HYCC2: variants seen among roughly 807,000 people sequenced by gnomAD.
HYCC2 encodes hyccin PI4KA lipid kinase complex subunit 2.
the HYCC2 span, among the ~76,000 whole-genome samples, chr2:201,028,941 C>T: frequency 6.6e-6 from 1 of 152,080 alleles, no homozygotes; most frequent in Admixed American, 6.6e-5. Context: ...GCAACATAAG[C>T]CAAAATAGAC....
At chr2:201,044,375 T>C in the HYCC2 span, among the ~76,000 whole-genome samples, 1 of 152,208 alleles carries the variant, frequency 6.6e-6, no homozygotes, top group Non-Finnish European at 1.5e-5. Flanking sequence ...TGCACCACTG[T>C]ACCAGAGATG....
At chr2:200,977,873 T>C in the HYCC2 span, 3 of 152,148 alleles carry the variant, frequency 2.0e-5, no homozygotes. Flanking sequence ...ATCTTCTGAG[T>C]TAACTATTCA....
chr2:200,991,583 G>T, the HYCC2 span, among the ~76,000 whole-genome samples: 1 of 143,716 alleles, frequency 7.0e-6, no homozygotes, highest in Non-Finnish European at 1.6e-5. Flanking sequence ...AAAAAAAAAA[G>T]AAAAAATCAC....
the HYCC2 span, among the ~76,000 whole-genome samples, chr2:201,050,890 G>A: frequency 4.0e-5 from 6 of 149,524 alleles, no homozygotes; most frequent in African/African-American, 1.2e-4. Context: ...AGCTGAGATC[G>A]CACCACTGCA....
the HYCC2 span, among the ~76,000 whole-genome samples, chr2:200,990,798 C>A: frequency 6.6e-6 from 1 of 152,278 alleles, no homozygotes; most frequent in East Asian, 1.9e-4. Context: ...GTCTTGAACT[C>A]CTGACCTCGT....
At chr2:201,025,778 G>A in the HYCC2 span, among the ~76,000 whole-genome samples, 1 of 152,126 alleles carries the variant, frequency 6.6e-6, no homozygotes, top group Non-Finnish European at 1.5e-5. Flanking sequence ...AAGTTAGAAG[G>A]CCAGGCATGG....
At chr2:201,052,354 C>T in the HYCC2 span, 1,594 of 152,594 alleles carry the variant, frequency 0.01, 9 homozygotes, top group Middle Eastern at 0.041. Flanking sequence ...CTTGTTATCC[C>T]AGCACTCTGG....
At chr2:201,035,168 G>A in the HYCC2 span, among the ~76,000 whole-genome samples, 2 of 152,184 alleles carry the variant, frequency 1.3e-5, no homozygotes, top group Admixed American at 6.6e-5. Context: ...GATTGGGGAA[G>A]TTCTCCTGGA....
chr2:201,011,147 A>AAAAC, the HYCC2 span, among the ~76,000 whole-genome samples: 5 of 152,138 alleles, frequency 3.3e-5, no homozygotes, highest in African/African-American at 7.2e-5. Context: ...TCCATCTCAA[A>AAAAC]AAACAAACAA....
At chr2:201,049,824 C>T in the HYCC2 span, among the ~76,000 whole-genome samples, 1 of 151,804 alleles carries the variant, frequency 6.6e-6, no homozygotes, top group Non-Finnish European at 1.5e-5. Flanking sequence ...AGAAAAACAC[C>T]AACTACCTGG....
the HYCC2 span, among the ~76,000 whole-genome samples, chr2:200,994,243 CTT>C: frequency 6.8e-6 from 1 of 147,956 alleles, no homozygotes; most frequent in Non-Finnish European, 1.5e-5. Context: ...ATATCATTTC[CTT>C]TTTTTTTTGG....
At chr2:200,985,045 AG>A in the HYCC2 span, among the ~76,000 whole-genome samples, 6 of 152,108 alleles carry the variant, frequency 3.9e-5, no homozygotes, top group South Asian at 1.2e-3. Context: ...CAGGAGTCTG[AG>A]GTTACAGTGA....
chr2:201,040,454 CTTT>C, the HYCC2 span, among the ~76,000 whole-genome samples: 1 of 145,030 alleles, frequency 6.9e-6, no homozygotes, highest in Non-Finnish European at 1.5e-5. Flanking sequence ...GTTGTTATTG[CTTT>C]TGTTTTTTTT....
chr2:201,003,398 A>T, the HYCC2 span, among the ~76,000 whole-genome samples: 1 of 152,162 alleles, frequency 6.6e-6, no homozygotes, highest in Non-Finnish European at 1.5e-5. Flanking sequence ...GCAGGAGAAT[A>T]GCTTCAACTA....
chr2:201,011,353 T>C, the HYCC2 span: 4 of 1,184,552 alleles, frequency 3.4e-6, no homozygotes, highest in African/African-American at 1.6e-5. Flanking sequence ...TGTTACTCAA[T>C]ATAATTTAAA....
At chr2:201,033,159 ATGTGTGTGTG>A in the HYCC2 span, among the ~76,000 whole-genome samples, 19 of 117,940 alleles carry the variant, frequency 1.6e-4, no homozygotes, top group East Asian at 7.3e-4. Context: ...ATGTGTGTGT[ATGTGTGTGTG>A]TGTGTGTGTG....
the HYCC2 span, among the ~76,000 whole-genome samples, chr2:201,070,417 C>T: frequency 6.6e-6 from 1 of 152,222 alleles, no homozygotes; most frequent in African/African-American, 2.4e-5. Context: ...CTTTGGGAGG[C>T]CGAGGCGGGC....
chr2:201,020,910 G>A, the HYCC2 span, among the ~76,000 whole-genome samples: 2 of 152,098 alleles, frequency 1.3e-5, no homozygotes, highest in Non-Finnish European at 2.9e-5. Flanking sequence ...TGGGACTACA[G>A]GCGTGCACCA....
chr2:201,033,080 T>C, the HYCC2 span, among the ~76,000 whole-genome samples: 2 of 151,554 alleles, frequency 1.3e-5, no homozygotes, highest in Non-Finnish European at 2.9e-5. Flanking sequence ...AAAACTACAA[T>C]TGGTCCATTT....
Sources: gnomAD v4.1 joint callset for allele counts (sites outside exome capture counted in the v4.1 genomes callset) on GRCh38, gnomAD v4.1.1 for gene constraint, MANE v1.5 for transcripts, NCBI Gene and HGNC (gene_info 2026-07-23, HGNC 2026-07-21) for gene names.